Variants in RBFA observed in about 807,000 individuals in gnomAD.
RBFA encodes ribosome binding factor A.
A neutral mutation model predicts 27.9 loss-of-function variants in RBFA; 16 were observed. The observed-to-expected ratio is 0.57, with a 90% CI of 0.39 to 0.87. The LOEUF is 0.87. Among genes scored for constraint, RBFA ranks in the 40% least tolerant of loss-of-function variants. The probability of loss-of-function intolerance (pLI) is 0.00; values close to 1 mark genes in which losing one functional copy is unlikely to be tolerated. For synonymous variants in RBFA, 181 were observed against 181.0 expected, an observed-to-expected ratio of 1.00 and a Z score of 0.00; for missense variants, 456 against 432.1, an observed-to-expected ratio of 1.06 and a Z score of -0.49.
intron 1 of RBFA, chr18:80,035,849 A>G (rs891682364): frequency 6.6e-6 from 1 of 152,164 alleles, no homozygotes; most frequent in Non-Finnish European, 1.5e-5. Flanking sequence ...TCAGGCCCTT[A>G]GGAGCTCACT....
intron 4 of RBFA, among the ~76,000 whole-genome samples, chr18:80,040,941 T>C (rs2052012275): frequency 6.6e-6 from 1 of 152,160 alleles, no homozygotes; most frequent in South Asian, 2.1e-4. Flanking sequence ...CCTCCTCAGT[T>C]TTAAAAAATG....
intron 1 of RBFA, 150 bp downstream of exon 1, chr18:80,034,803 A>C: frequency 4.5e-6 from 4 of 887,918 alleles, no homozygotes; most frequent in Non-Finnish European, 6.6e-6. Context: ...TCTAGCTCTC[A>C]CTGTCAGCAT....
At position 80,049,172 on chromosome 18, in the gene RBFA, C is replaced by T. The variant is rs1233129379; in HGVS notation, c.*3017C>T. Among the ~76,000 whole-genome samples, 1 of 151,524 alleles carries T rather than the reference C, an allele frequency of 6.6e-6. No individual in the cohort carries two copies. Among genetic ancestry groups the T allele is most frequent in the Non-Finnish European group, 1.5e-5 (1 of 67,900 alleles). ...GGATTTCCGCGGCCTTCCCTGGGAG[C>T]GGGTTAGGGACACGGAAGCTCACCC... On this transcript the variant is annotated 3_prime_UTR_variant, in exon 7 of 7. Coordinates refer to ENST00000306735, the MANE Select transcript of RBFA (RefSeq NM_024805.3).
chr18:80,046,269 C>A lies in RBFA; in HGVS notation c.*114C>A, dbSNP rs1221868784. 2 of 1,209,466 alleles carry A rather than the reference C, an allele frequency of 1.7e-6. No homozygotes were observed. Among genetic ancestry groups the A allele is most frequent in the Non-Finnish European group, 1.1e-6 (1 of 878,418 alleles). The allele number at this position is 1,209,466 out of a possible 1,614,324, so 74.9% of individuals were successfully genotyped here. ...TAAACCATCTGCTCTTCTGCTACTT[C>A]AACATTTTCTAGCTTTTCCGTGTAT... On this transcript the variant is annotated 3_prime_UTR_variant, in exon 7 of 7. Transcript: ENST00000306735.
At chr18:80,044,789 C>T (rs977786791) in intron 6 of RBFA, among the ~76,000 whole-genome samples, 1 of 152,242 alleles carries the variant, frequency 6.6e-6, no homozygotes, top group African/African-American at 2.4e-5. Context: ...TAGTGCCTGA[C>T]AGAGCCTGCA....
chr18:80,035,122 C>G lies in RBFA; in HGVS notation c.158+469C>G, dbSNP rs1196761190. ...GTTGTATGTTTTCTACTTTAATACA[C>G]TACTTTTAAAGACAGTTTTAGACCC... On this transcript the variant is annotated intron_variant, in intron 1 of 6. Coordinates refer to ENST00000306735, the MANE Select transcript of RBFA (RefSeq NM_024805.3). 1.8e-5 allele frequency: 3 copies of G among 166,326 alleles called. No individual in the cohort carries two copies. In the East Asian group the frequency reaches 5.7e-4, roughly 32 times the overall value. 10.3% of individuals were successfully genotyped at this position (166,326 alleles called of 1,614,324 possible). A position where few individuals can be genotyped will look rare whatever the true frequency, so the allele number is the denominator to read the frequency against.
In RBFA at chr18:80,044,293, A is replaced by T. The variant is rs781678779; in HGVS notation, c.650+8A>T. Reference sequence around the variant, plus strand: ...TGTACAAAATGATTTCAGGTGACGCATGTGGACATATGTTTTGATTCCCTG... The same window carrying T: ...TGTACAAAATGATTTCAGGTGACGCTTGTGGACATATGTTTTGATTCCCTG... On this transcript the variant is annotated splice_region_variant and intron_variant, in intron 6 of 6. Coordinates refer to ENST00000306735, the MANE Select transcript of RBFA (RefSeq NM_024805.3). 6.2e-7 allele frequency: 1 copy of T among 1,611,908 alleles called. No homozygotes were observed. The highest frequency in any genetic ancestry group is 1.1e-5 in the South Asian group (1 of 91,034).
intron 3 of RBFA, among the ~76,000 whole-genome samples, chr18:80,038,198 A>G (rs1299511778): frequency 6.6e-6 from 1 of 152,196 alleles, no homozygotes; most frequent in Non-Finnish European, 1.5e-5. Context: ...AGCATCGAGC[A>G]TTTTTGATTA....
rs1295748442 is a variant in RBFA at position 80,049,222 on chromosome 18, G to A, written c.*3067G>A. On this transcript the variant is annotated 3_prime_UTR_variant, in exon 7 of 7. Transcript: ENST00000306735. Reference sequence around the variant, plus strand: ...CCCTTCTGAATGGGTCCACTCCTGGGGATTTCCGCGGCCTTCCCTGGGAGC... The same window carrying A: ...CCCTTCTGAATGGGTCCACTCCTGGAGATTTCCGCGGCCTTCCCTGGGAGC... 6.6e-6 allele frequency among the ~76,000 whole-genome samples: 1 copy of A among 151,218 alleles called. No individual in the cohort carries two copies. The highest frequency in any genetic ancestry group is 2.4e-5 in the African/African-American group (1 of 41,044).
rs73497073 is a variant in RBFA, at chr18:80,046,311, A to G, written c.*156A>G. The G allele has an allele frequency of 2.4e-6, 2 of 820,332 alleles. No individual in the cohort carries two copies. Among genetic ancestry groups the G allele is most frequent in the Non-Finnish European group, 3.8e-6 (2 of 530,740 alleles). The allele number at this position is 820,332 out of a possible 1,614,324, so 50.8% of individuals were successfully genotyped here. On this transcript the variant is annotated 3_prime_UTR_variant, in exon 7 of 7. Transcript: ENST00000306735. ...TCCGTGTATCTAAACACAATTTGCT[A>G]CACAAGTCACTGTTTTTTTTTCCAT...
At chr18:80,037,586 A>G (rs1474825317) in intron 3 of RBFA, 80 bp downstream of exon 3, 3 of 1,358,002 alleles carry the variant, frequency 2.2e-6, no homozygotes, top group Admixed American at 2.2e-5. Context: ...GTCTTGCCTG[A>G]CAATTAAAAA....
chr18:80,045,927 G>A lies in RBFA; in HGVS notation c.804G>A (p.Val268=). 1 of 1,613,918 alleles carries A rather than the reference G, an allele frequency of 6.2e-7. No homozygotes were observed. The highest frequency in any genetic ancestry group is 1.3e-5 in the African/African-American group (1 of 75,032). The change falls in exon 7 of 7, where the codon GTG becomes GTA. Residue 268 remains valine, a synonymous_variant. Coordinates refer to ENST00000306735, the MANE Select transcript of RBFA (RefSeq NM_024805.3). ...GLGGLVWQGQ[V]AELTTQMKKG... ...GGGGCCTGGTGTGGCAGGGGCAGGT[G>A]GCTGAGCTGACAACGCAGATGAAAA...
At chr18:80,041,389 T>G (rs1467033414) in intron 4 of RBFA, 1 of 152,166 alleles carries the variant, frequency 6.6e-6, no homozygotes, top group Non-Finnish European at 1.5e-5. Context: ...GTGCCTACAT[T>G]GGCCCTAGGT....
rs76474926 is a variant in RBFA at position 80,037,171 on chromosome 18, G to T, written c.202-159G>T. 3.5e-4 allele frequency: 197 copies of T among 557,198 alleles called. No homozygotes were observed. In the East Asian group the frequency reaches 4.9e-3, roughly 14 times the overall value. 34.5% of individuals were successfully genotyped at this position (557,198 alleles called of 1,614,324 possible). On this transcript the variant is annotated intron_variant, in intron 2 of 6. Transcript: ENST00000306735. ...CCAGGTAAAATTTAAAAGGATCCCG[G>T]TTTATAAAACTTTATCTTAATGAAA...
intron 1 of RBFA, chr18:80,035,826 G>C (rs1014124217): frequency 1.3e-5 from 2 of 152,144 alleles, no homozygotes; most frequent in African/African-American, 4.8e-5. Context: ...AGTTTTGTTC[G>C]AATGTTTCCA....
chr18:80,039,112 C>G (rs902404515), intron 4 of RBFA, among the ~76,000 whole-genome samples: 4 of 152,232 alleles, frequency 2.6e-5, no homozygotes, highest in African/African-American at 7.2e-5. Context: ...GCCAGGAGTT[C>G]AGGACCAGTC....
At chr18:80,040,326 G>A (rs760286009) in intron 4 of RBFA, among the ~76,000 whole-genome samples, 8 of 139,100 alleles carry the variant, frequency 5.8e-5, no homozygotes. Flanking sequence ...CTTGGCTCCT[G>A]CAGCCTCAAC....
At chr18:80,044,780 A>G (rs912443798) in intron 6 of RBFA, among the ~76,000 whole-genome samples, 1 of 152,250 alleles carries the variant, frequency 6.6e-6, no homozygotes, top group African/African-American at 2.4e-5. Context: ...CCAAACATGT[A>G]GTGCCTGACA....
At position 80,045,851 on chromosome 18, in the gene RBFA, C is replaced by T. The variant is rs374705895; in HGVS notation, c.728C>T (p.Ala243Val). 21 of 1,579,270 alleles carry T rather than the reference C, an allele frequency of 1.3e-5. No individual in the cohort carries two copies. The African/African-American group carries it at 1.4e-4, about 10-fold the overall frequency. The stretch of plus-strand genomic sequence containing the variant: ...AGTCTGTGTGGGATCGATCATGAGG[C>T]GCTCAACAAGCAGATTATGGAGTAC... ...SSSLCGIDHE[A>V]LNKQIMEYKR... Residue 243 changes from alanine (A) to valine (V), a missense_variant, in exon 7 of 7, where the codon GCG becomes GTG. Physicochemically the swap from Ala to Val is moderately conservative, Grantham distance 64. Coordinates refer to ENST00000306735, the MANE Select transcript of RBFA (RefSeq NM_024805.3).
Sources: allele counts gnomAD v4.1 joint callset (sites outside exome capture counted in the v4.1 genomes callset), GRCh38; gene constraint gnomAD v4.1.1; transcripts MANE v1.5; gene names NCBI Gene and HGNC (gene_info 2026-07-23, HGNC 2026-07-21).